The following NPEPL1 variants were observed in gnomAD, a reference collection of about 807,000 sequenced individuals.
NPEPL1 encodes the protein aminopeptidase like 1, also known as probable aminopeptidase NPEPL1.
NPEPL1 carries 45 observed loss-of-function variants against 52.4 expected under a neutral mutation model. That is an observed-to-expected ratio of 0.86 (90% CI 0.68 to 1.10). NPEPL1 has a LOEUF of 1.10. Among genes scored for constraint, NPEPL1 ranks in the 50% least tolerant of loss-of-function variants. The probability of loss-of-function intolerance (pLI) is 0.00; values close to 1 mark genes in which losing one functional copy is unlikely to be tolerated. For missense variants in NPEPL1, 696 were observed against 710.9 expected (o/e 0.98, Z 0.24); for synonymous variants, 360 against 314.7 (o/e 1.14, Z -1.52).
chr20:58,706,109 G>A (rs943544816), intron 6 of NPEPL1, among the ~76,000 whole-genome samples: 4 of 152,216 alleles, frequency 2.6e-5, no homozygotes, highest in African/African-American at 7.2e-5. Flanking sequence ...TTGGGAACCT[G>A]TAAAATGTAA....
intron 7 of NPEPL1, among the ~76,000 whole-genome samples, chr20:58,709,994 C>T (rs1177933440): frequency 6.7e-6 from 1 of 149,494 alleles, no homozygotes; most frequent in Non-Finnish European, 1.5e-5. Flanking sequence ...CTGACATTGG[C>T]AGAATCTGGG....
Position 58,693,871 on chromosome 20 carries a change from C to T in NPEPL1, c.285C>T (p.Ile95=). 6.2e-7 allele frequency: 1 copy of T among 1,613,328 alleles called. No homozygotes were observed. The highest frequency in any genetic ancestry group is 8.5e-7 in the Non-Finnish European group (1 of 1,179,660). The change falls in exon 2 of 12, where the codon ATC becomes ATT. Residue 95 remains isoleucine (I), a synonymous_variant. Transcript: ENST00000356091. ...ACAGCCCCTCGGCCGCCCACTTCAT[C>T]ACGCGGCTGGTGCGGACCTGCCTGC... ...RHNSPSAAHF[I]TRLVRTCLPP...
chr20:58,713,241 A>G lies in NPEPL1; in HGVS notation c.1002-179A>G. ...ATGTCACCTGGAAGCCCTTTGCTCC[A>G]GGCACTGCATTGCTGTAGGGACTGG... On this transcript the variant is annotated intron_variant, in intron 8 of 11. Coordinates refer to ENST00000356091, the MANE Select transcript of NPEPL1 (RefSeq NM_024663.4). The surrounding 1 kb of genome is among the most constrained non-coding windows in gnomAD (Gnocchi z 4.6). 1.4e-6 allele frequency: 1 copy of G among 707,210 alleles called. No individual in the cohort carries two copies. The highest frequency in any genetic ancestry group is 2.2e-6 in the Non-Finnish European group (1 of 444,660). The allele number at this position is 707,210 out of a possible 1,614,324, so 43.8% of individuals were successfully genotyped here.
chr20:58,703,012 C>G (rs377428332), intron 6 of NPEPL1, among the ~76,000 whole-genome samples: 1 of 152,164 alleles, frequency 6.6e-6, no homozygotes, highest in African/African-American at 2.4e-5. Context: ...TCCGCGTCTT[C>G]GTTTTGACCA....
intron 3 of NPEPL1, among the ~76,000 whole-genome samples, chr20:58,697,020 A>G (rs1159805340): frequency 6.6e-6 from 1 of 152,086 alleles, no homozygotes; most frequent in East Asian, 1.9e-4. Context: ...TCCAGTCCCC[A>G]CCCAGGACCC....
rs2084919137 is a variant in NPEPL1, at chr20:58,714,634, C to T, written c.1377C>T (p.Val459=). The part of the protein sequence containing the change: ...ASHIGFDWPG[V]WVHLDIAAPV... ...ACATCGGCTTCGACTGGCCCGGAGT[C>T]TGGGTCCACCTGGACATTGCTGCAC... The change falls in exon 11 of 12, where the codon GTC becomes GTT. Residue 459 remains valine (V), a synonymous_variant. Transcript: ENST00000356091. The T allele has an allele frequency of 6.3e-7, 1 of 1,595,668 alleles. No individual in the cohort carries two copies.
intron 7 of NPEPL1, among the ~76,000 whole-genome samples, chr20:58,709,201 C>T (rs1315337319): frequency 6.6e-6 from 1 of 151,842 alleles, no homozygotes; most frequent in East Asian, 1.9e-4. Flanking sequence ...AGATCCCCCT[C>T]CCACAAGAGC....
At chr20:58,708,693 G>A (rs2084781559) in intron 7 of NPEPL1, among the ~76,000 whole-genome samples, 1 of 152,200 alleles carries the variant, frequency 6.6e-6, no homozygotes, top group African/African-American at 2.4e-5. Context: ...CCACGGGGCA[G>A]GGTGGCTCTG....
At chr20:58,704,531 T>C (rs1185003162) in intron 6 of NPEPL1, 1 of 316,998 alleles carries the variant, frequency 3.2e-6, no homozygotes, top group African/African-American at 2.3e-5. Flanking sequence ...TTATCATAAA[T>C]AATTTTATGA....
intron 7 of NPEPL1, among the ~76,000 whole-genome samples, chr20:58,707,776 A>C (rs1483442619): frequency 6.6e-6 from 1 of 152,162 alleles, no homozygotes; most frequent in African/African-American, 2.4e-5. Flanking sequence ...CCCTGGGGCC[A>C]TAAAAAGTGC....
At chr20:58,711,545 T>G (rs533704496) in intron 7 of NPEPL1, 1 of 152,276 alleles carries the variant, frequency 6.6e-6, no homozygotes, top group African/African-American at 2.4e-5. Flanking sequence ...CTGAGGCTGG[T>G]GGGGTTCTTT....
intron 6 of NPEPL1, among the ~76,000 whole-genome samples, chr20:58,706,161 G>A (rs2084729416): frequency 6.6e-6 from 1 of 152,212 alleles, no homozygotes; most frequent in Non-Finnish European, 1.5e-5. Flanking sequence ...AAACAGTGTG[G>A]ACACTGCAGG....
In NPEPL1 at chr20:58,713,566, C is replaced by G; in HGVS notation, c.1125+23C>G. Reference sequence around the variant, plus strand: ...CAGGTGAGTGCTCCCTGGATCCACCCCTTAGCTGTAGTCCCAGGGAACCCC... The same window carrying G: ...CAGGTGAGTGCTCCCTGGATCCACCGCTTAGCTGTAGTCCCAGGGAACCCC... On this transcript the variant is annotated intron_variant, in intron 9 of 11. Coordinates refer to ENST00000356091, the MANE Select transcript of NPEPL1 (RefSeq NM_024663.4). This position sits in a 1 kb window ranked among gnomAD's most constrained non-coding sequence, Gnocchi z 4.6. The G allele has an allele frequency of 6.4e-7, 1 of 1,573,102 alleles. No individual in the cohort carries two copies. The highest frequency in any genetic ancestry group is 1.2e-5 in the South Asian group (1 of 86,874).
At chr20:58,691,224 C>G (rs1406374970), upstream of NPEPL1, 1 of 702,462 alleles carries the variant, frequency 1.4e-6, no homozygotes, top group Non-Finnish European at 2.6e-6. Context: ...TCTTCATACA[C>G]ACTGTTAGTA....
At chr20:58,711,517 G>A (rs1483681114) in intron 7 of NPEPL1, 1 of 152,438 alleles carries the variant, frequency 6.6e-6, no homozygotes, top group Non-Finnish European at 1.5e-5. Context: ...GCTGACAGGT[G>A]GCTCCGATAT....
Position 58,714,662 on chromosome 20 carries a change from G to A in NPEPL1, c.1405G>A (p.Val469Met), listed in dbSNP as rs1344010182. 1.3e-6 allele frequency: 2 copies of A among 1,588,488 alleles called. No homozygotes were observed. The highest frequency in any genetic ancestry group is 1.7e-6 in the Non-Finnish European group (2 of 1,169,402). ...GGTCCACCTGGACATTGCTGCACCGGTGCATGCTGTGAGTGTCTCCCCTCC... is the reference window on the plus strand; with the variant it reads ...GGTCCACCTGGACATTGCTGCACCGATGCATGCTGTGAGTGTCTCCCCTCC... ...VWVHLDIAAPVHAGERATGFG... is the reference protein window; with the variant it reads ...VWVHLDIAAPMHAGERATGFG... The change falls in exon 11 of 12, where the codon GTG (valine) becomes ATG (methionine). Residue 469 changes from valine (V) to methionine (M), a missense_variant. Transcript: ENST00000356091.
upstream of NPEPL1, chr20:58,692,163 C>A: frequency 2.6e-6 from 1 of 382,680 alleles, no homozygotes; most frequent in East Asian, 4.8e-5. The surrounding 1 kb of genome is among the most constrained non-coding windows in gnomAD (Gnocchi z 5.7). Flanking sequence ...GGATTTGTAA[C>A]TGGCCATCCC....
intron 10 of NPEPL1, 155 bp from the exon 11 acceptor site, chr20:58,714,405 A>AG (rs1430420294): frequency 3.2e-6 from 2 of 624,946 alleles, no homozygotes; most frequent in Non-Finnish European, 5.5e-6. Context: ...CTCATGGTCA[A>AG]GGCCCTCCCA....
At chr20:58,691,859 C>T (rs901971552), upstream of NPEPL1, 2 of 1,350,516 alleles carry the variant, frequency 1.5e-6, no homozygotes, top group Non-Finnish European at 2.1e-6. Context: ...TAAATGACTC[C>T]TGGGTGGAGC....
Sources: allele counts gnomAD v4.1 joint callset (sites outside exome capture counted in the v4.1 genomes callset), GRCh38; gene constraint gnomAD v4.1.1; non-coding constraint Gnocchi (gnomAD v3.1); transcripts MANE v1.5; gene names NCBI Gene and HGNC (gene_info 2026-07-23, HGNC 2026-07-21).